WDFY4: variants seen among roughly 807,000 people sequenced by gnomAD.
WDFY4 encodes WDFY family member 4, also known as WD repeat- and FYVE domain-containing protein 4.
A neutral mutation model predicts 351.9 loss-of-function variants in WDFY4; 169 were observed. That is an observed-to-expected ratio of 0.48 (90% CI 0.42 to 0.55). WDFY4 has a LOEUF of 0.55. Ranked by LOEUF, WDFY4 falls within the 20% of genes least tolerant of loss-of-function variation. The pLI is 0.00. For missense variants in WDFY4, 3,803 were observed against 3,935.6 expected (o/e 0.97, Z 0.90); for synonymous variants, 1,622 against 1,574.6 (o/e 1.03, Z -0.71).
rs2133305127 is a variant in WDFY4 at position 48,877,266 on chromosome 10, A to G, written c.7167+67A>G. 2.7e-6 allele frequency: 4 copies of G among 1,464,276 alleles called. No homozygotes were observed. In the East Asian group the frequency reaches 7.6e-5, roughly 28 times the overall value. The allele number at this position is 1,464,276 out of a possible 1,614,324, so 90.7% of individuals were successfully genotyped here. On this transcript the variant is annotated intron_variant, in intron 43 of 61. Coordinates refer to ENST00000325239, the MANE Select transcript of WDFY4 (RefSeq NM_001394531.1). ...AGTTGTTAAGATTGTCAGACAGGAG[A>G]AAACCAAGCTTTCGCCACTTACATG...
chr10:48,761,025 G>T (rs1422596112), intron 13 of WDFY4, among the ~76,000 whole-genome samples: 1 of 152,204 alleles, frequency 6.6e-6, no homozygotes, highest in East Asian at 1.9e-4. Context: ...TGAGGTAGAA[G>T]AATGAGAATG....
chr10:48,974,694 C>T (rs977806058), intron 57 of WDFY4, among the ~76,000 whole-genome samples, 168 bp from the exon 58 acceptor site: 3 of 152,022 alleles, frequency 2.0e-5, no homozygotes, highest in Admixed American at 6.6e-5. Flanking sequence ...GTCATGGACA[C>T]GCACATGCAC....
chr10:48,904,242 C>T (rs774874742), intron 47 of WDFY4, among the ~76,000 whole-genome samples: 281 of 152,218 alleles, frequency 1.8e-3, no homozygotes, highest in Non-Finnish European at 3.2e-3. Flanking sequence ...AGCAGTGGGT[C>T]GCTGGAGTTG....
intron 28 of WDFY4, among the ~76,000 whole-genome samples, chr10:48,808,878 C>T (rs2067345817): frequency 1.3e-5 from 2 of 152,190 alleles, no homozygotes; most frequent in South Asian, 4.1e-4. Context: ...CCAGAGGAGG[C>T]TACTTAAGCC....
At position 48,863,204 on chromosome 10, in the gene WDFY4, T is replaced by C. The variant is rs542261768; in HGVS notation, c.6664-4061T>C. Among the ~76,000 whole-genome samples the C allele has an allele frequency of 9.2e-5, 14 of 152,344 alleles. No homozygotes were observed. The East Asian group carries it at 1.9e-3, about 21-fold the overall frequency. ...TTGGACACAATTTTTATCTTGGGTGTATACCTGAGAATGGAATTGCTGAGT... is the reference window on the plus strand; with the variant it reads ...TTGGACACAATTTTTATCTTGGGTGCATACCTGAGAATGGAATTGCTGAGT... On this transcript the variant is annotated intron_variant, in intron 39 of 61. Coordinates refer to ENST00000325239, the MANE Select transcript of WDFY4 (RefSeq NM_001394531.1).
rs753703970 is a variant in WDFY4, at chr10:48,806,131, C to T, written c.4738+36C>T. 7.5e-5 allele frequency: 116 copies of T among 1,543,474 alleles called. 1 individual carries two copies. In the South Asian group the frequency reaches 8.0e-4, roughly 11 times the overall value. On this transcript the variant is annotated intron_variant, in intron 27 of 61. Coordinates refer to ENST00000325239, the MANE Select transcript of WDFY4 (RefSeq NM_001394531.1). ...CTTTGCCAGTTCGAAGGCAGTAGGA[C>T]GGCCCTCACGGAACCCCTGAGAGGC...
intron 1 of WDFY4, among the ~76,000 whole-genome samples, chr10:48,701,448 C>A (rs1159500535): frequency 6.6e-6 from 1 of 152,194 alleles, no homozygotes; most frequent in Non-Finnish European, 1.5e-5. Context: ...AATTGACCTA[C>A]CTTGTCTATT....
chr10:48,811,087 G>A (rs1589667023), intron 29 of WDFY4, among the ~76,000 whole-genome samples: 1 of 152,316 alleles, frequency 6.6e-6, no homozygotes, highest in South Asian at 2.1e-4. Context: ...TCCTCCAGGA[G>A]ATGAGGGGTC....
intron 47 of WDFY4, among the ~76,000 whole-genome samples, chr10:48,908,579 C>T (rs1265978780): frequency 6.6e-6 from 1 of 151,732 alleles, no homozygotes; most frequent in Admixed American, 6.6e-5. Flanking sequence ...TAAATCAGCA[C>T]TGGGCAGATG....
intron 39 of WDFY4, among the ~76,000 whole-genome samples, chr10:48,845,941 C>G (rs1293545707): frequency 2.6e-5 from 4 of 152,206 alleles, no homozygotes; most frequent in Non-Finnish European, 5.9e-5. Flanking sequence ...AACTGTGCTT[C>G]TGCCAAGAGC....
intron 11 of WDFY4, among the ~76,000 whole-genome samples, chr10:48,737,674 C>G (rs1024098440): frequency 1.3e-5 from 2 of 152,112 alleles, no homozygotes; most frequent in African/African-American, 4.8e-5. Context: ...GCCATAGAAT[C>G]AGTGGAAGTG....
intron 58 of WDFY4, 30 bp downstream of exon 58, chr10:48,975,071 C>G (rs1247013866): frequency 6.4e-7 from 1 of 1,551,558 alleles, no homozygotes. Flanking sequence ...GTGTCCGTGT[C>G]CTCACCTTCG....
chr10:48,699,096 G>T (rs578187623), intron 1 of WDFY4, among the ~76,000 whole-genome samples: 113 of 152,318 alleles, frequency 7.4e-4, no homozygotes, highest in Non-Finnish European at 1.3e-3. Flanking sequence ...AGACAGCCAC[G>T]CTCACCTGGT....
At chr10:48,837,955 G>T (rs115673561) in intron 39 of WDFY4, among the ~76,000 whole-genome samples, 1,612 of 152,322 alleles carry the variant, frequency 0.011, 27 homozygotes, top group African/African-American at 0.037. Flanking sequence ...AGAAGAACAG[G>T]ATTCACACGG....
chr10:48,947,061 G>A, intron 51 of WDFY4, 92 bp downstream of exon 51: 1 of 1,070,934 alleles, frequency 9.3e-7, no homozygotes, highest in Non-Finnish European at 1.4e-6. Context: ...CTTGAACAAA[G>A]ACAGGATGCC....
chr10:48,819,855 G>A (rs567399318), intron 32 of WDFY4, among the ~76,000 whole-genome samples: 61 of 152,264 alleles, frequency 4.0e-4, no homozygotes, highest in African/African-American at 1.3e-3. Flanking sequence ...TGCCACGTTC[G>A]TTATTCTCTC....
intron 2 of WDFY4, among the ~76,000 whole-genome samples, chr10:48,718,170 T>A (rs1211554027): frequency 6.6e-6 from 1 of 152,248 alleles, no homozygotes; most frequent in Non-Finnish European, 1.5e-5. Context: ...ACATAAATGA[T>A]CTTTTTTTCA....
intron 51 of WDFY4, among the ~76,000 whole-genome samples, chr10:48,950,756 C>T (rs965736834): frequency 4.6e-5 from 7 of 152,338 alleles, no homozygotes; most frequent in South Asian, 4.1e-4. Context: ...GGGAGTCCCT[C>T]GTGCAGCATC....
rs1468795744 is a variant in WDFY4 at position 48,947,841 on chromosome 10, C to T, written c.7977+872C>T. Among the ~76,000 whole-genome samples, 3 of 152,194 alleles carry T rather than the reference C, an allele frequency of 2.0e-5. No homozygotes were observed. In the East Asian group the frequency reaches 5.8e-4, roughly 29 times the overall value. ...GAGAATATAGCACAGGGAGTATGGG[C>T]TGCCCTGATCCAGACCCTGCAATGG... On this transcript the variant is annotated intron_variant, in intron 51 of 61. Transcript: ENST00000325239.
Sources: gnomAD v4.1 joint callset for allele counts (sites outside exome capture counted in the v4.1 genomes callset) on GRCh38, gnomAD v4.1.1 for gene constraint, MANE v1.5 for transcripts, NCBI Gene and HGNC (gene_info 2026-07-23, HGNC 2026-07-21) for gene names.